Variants in GALNT13 observed in about 807,000 individuals in gnomAD.
The protein encoded by GALNT13 is polypeptide N-acetylgalactosaminyltransferase 13.
A neutral mutation model predicts 64.2 loss-of-function variants in GALNT13; 28 were observed. That is an observed-to-expected ratio of 0.44 (90% CI 0.32 to 0.60). The LOEUF (loss-of-function observed/expected upper bound fraction) is 0.60, where lower values mean the gene tolerates loss of function less well. Among genes scored for constraint, GALNT13 ranks in the 20% least tolerant of loss-of-function variants. The pLI, the probability that GALNT13 is intolerant of heterozygous loss-of-function variation, is 0.05. For synonymous variants in GALNT13, 214 were observed against 224.6 expected (o/e 0.95, Z 0.42); for missense variants, 577 against 669.8 (o/e 0.86, Z 1.53).
At chr2:154,204,450 T>C (rs1161524219) in intron 4 of GALNT13, among the ~76,000 whole-genome samples, 1 of 152,188 alleles carries the variant, frequency 6.6e-6, no homozygotes, top group Non-Finnish European at 1.5e-5. Flanking sequence ...ACTTGAATTA[T>C]TTATTTTCAT....
intron 1 of GALNT13, among the ~76,000 whole-genome samples, chr2:153,884,247 T>C (rs1348632912): frequency 6.6e-6 from 1 of 151,982 alleles, no homozygotes; most frequent in Non-Finnish European, 1.5e-5. Flanking sequence ...ACTTTGAGTT[T>C]GCTTGGTCAA....
chr2:153,310,282 CAT>C, the GALNT13 span, among the ~76,000 whole-genome samples: 1 of 152,036 alleles, frequency 6.6e-6, no homozygotes, highest in Non-Finnish European at 1.5e-5. Context: ...TAGTAAATTA[CAT>C]TGATTTTTTT....
At chr2:154,400,186 T>A (rs1180718081) in intron 10 of GALNT13, among the ~76,000 whole-genome samples, 2 of 152,206 alleles carry the variant, frequency 1.3e-5, no homozygotes, top group African/African-American at 4.8e-5. Flanking sequence ...TTACTGCCTG[T>A]TATTAACCTT....
chr2:154,016,251 T>C (rs1182322781), intron 3 of GALNT13, among the ~76,000 whole-genome samples: 1 of 152,182 alleles, frequency 6.6e-6, no homozygotes, highest in Non-Finnish European at 1.5e-5. Flanking sequence ...GTGATCAAAA[T>C]AGAGTTTCAG....
intron 2 of GALNT13, among the ~76,000 whole-genome samples, chr2:153,937,853 A>G (rs1691054986): frequency 1.3e-5 from 2 of 152,218 alleles, no homozygotes; most frequent in African/African-American, 4.8e-5. Flanking sequence ...ATGATTAAGA[A>G]TTGATCATTG....
intron 3 of GALNT13, among the ~76,000 whole-genome samples, chr2:154,017,042 G>T (rs1408777430): frequency 3.9e-5 from 6 of 152,054 alleles, no homozygotes; most frequent in Non-Finnish European, 8.8e-5. Context: ...TCCTCTGGAA[G>T]ATTAACATAT....
chr2:153,396,471 A>G, the GALNT13 span, among the ~76,000 whole-genome samples: 1 of 151,990 alleles, frequency 6.6e-6, no homozygotes, highest in African/African-American at 2.4e-5. Context: ...ATTAGAGAGC[A>G]CTTCCTCAAT....
chr2:153,409,583 A>T, the GALNT13 span, among the ~76,000 whole-genome samples: 1 of 152,018 alleles, frequency 6.6e-6, no homozygotes, highest in Non-Finnish European at 1.5e-5. Context: ...ATTCAGGAAG[A>T]CACTGTGTTC....
chr2:153,827,656 G>T, the GALNT13 span, among the ~76,000 whole-genome samples: 1 of 150,016 alleles, frequency 6.7e-6, no homozygotes, highest in African/African-American at 2.4e-5. Flanking sequence ...ATTTGGGTGG[G>T]AACACAGCCG....
intron 9 of GALNT13, among the ~76,000 whole-genome samples, chr2:154,351,342 G>A (rs1696385583): frequency 6.6e-6 from 1 of 151,982 alleles, no homozygotes. Flanking sequence ...TCTTGTTGAT[G>A]TTTGCCGTTG....
At chr2:154,281,708 C>T (rs1219740957) in intron 8 of GALNT13, among the ~76,000 whole-genome samples, 3 of 152,006 alleles carry the variant, frequency 2.0e-5, no homozygotes, top group African/African-American at 4.8e-5. Context: ...TCACACACAC[C>T]GGTTCATGCA....
the GALNT13 span, among the ~76,000 whole-genome samples, chr2:153,467,781 A>G: frequency 6.6e-6 from 1 of 152,188 alleles, no homozygotes; most frequent in East Asian, 1.9e-4. Flanking sequence ...CCAAGTTTCC[A>G]TGAACAGAAT....
At chr2:153,497,935 T>G in the GALNT13 span, among the ~76,000 whole-genome samples, 3 of 151,954 alleles carry the variant, frequency 2.0e-5, no homozygotes, top group South Asian at 6.2e-4. Flanking sequence ...AAAAGAAAAA[T>G]GAGAATGTTG....
chr2:153,214,839 C>T, the GALNT13 span, among the ~76,000 whole-genome samples: 1 of 152,064 alleles, frequency 6.6e-6, no homozygotes, highest in Non-Finnish European at 1.5e-5. Context: ...AGTAAAATGT[C>T]TAGTTTACAG....
the GALNT13 span, among the ~76,000 whole-genome samples, chr2:153,360,157 G>C: frequency 1.6e-3 from 242 of 152,310 alleles, 1 homozygote; most frequent in African/African-American, 5.7e-3. Flanking sequence ...AAGAGCAGTG[G>C]GGTATGACAG....
At chr2:154,156,002 A>C (rs1684396566) in intron 4 of GALNT13, among the ~76,000 whole-genome samples, 1 of 148,876 alleles carries the variant, frequency 6.7e-6, no homozygotes, top group African/African-American at 2.6e-5. Flanking sequence ...TATTGCATTT[A>C]TAGTGTCTTA....
the GALNT13 span, among the ~76,000 whole-genome samples, chr2:153,715,163 G>A: frequency 2.6e-5 from 4 of 152,134 alleles, no homozygotes; most frequent in Non-Finnish European, 4.4e-5. Context: ...GCCTCACACA[G>A]CTCAGTTATT....
the GALNT13 span, among the ~76,000 whole-genome samples, chr2:153,186,918 A>G: frequency 6.6e-6 from 1 of 152,080 alleles, no homozygotes; most frequent in Non-Finnish European, 1.5e-5. Flanking sequence ...CATATTTAGT[A>G]GTTTTTTCAG....
the GALNT13 span, among the ~76,000 whole-genome samples, chr2:153,564,141 G>A: frequency 6.6e-6 from 1 of 152,024 alleles, no homozygotes; most frequent in Admixed American, 6.5e-5. Flanking sequence ...ATTCTCAGAA[G>A]TTGATGGGCT....
Sources: allele counts gnomAD v4.1 joint callset (sites outside exome capture counted in the v4.1 genomes callset), GRCh38; gene constraint gnomAD v4.1.1; transcripts MANE v1.5; gene names NCBI Gene and HGNC (gene_info 2026-07-23, HGNC 2026-07-21).